The following DAB1 variants were observed in gnomAD, a reference collection of about 807,000 sequenced individuals.
The protein encoded by DAB1 is DAB adaptor protein 1.
In DAB1, 15 loss-of-function variants were observed where a neutral mutation model predicts 64.6. That is an observed-to-expected ratio of 0.23 (90% confidence interval 0.16 to 0.36). DAB1 has a LOEUF of 0.36. DAB1 is among the 10% of genes least tolerant of loss of function. The pLI, the probability that DAB1 is intolerant of heterozygous loss-of-function variation, is 1.00. For missense variants in DAB1, 596 were observed against 706.7 expected, an observed-to-expected ratio of 0.84 and a Z score of 1.78; for synonymous variants, 235 against 251.9, an observed-to-expected ratio of 0.93 and a Z score of 0.64.
At position 58,396,216 on chromosome 1, in the gene DAB1, G is replaced by C. The variant is rs182189943; in HGVS notation, n.258-52813C>G. ...AGTCCGCTGCACTGTGATACACTCTGTTTGAGGCTGGTCAAGAGGCCAGCC... is the reference window on the plus strand; with the variant it reads ...AGTCCGCTGCACTGTGATACACTCTCTTTGAGGCTGGTCAAGAGGCCAGCC... On this transcript the variant is annotated intron_variant and non_coding_transcript_variant, in intron 3 of 20. Coordinates refer to the DAB1 transcript ENST00000485760. Among the ~76,000 whole-genome samples, 122 of 152,214 alleles carry C rather than the reference G, an allele frequency of 8.0e-4. 1 individual carries two copies. The Middle Eastern group carries it at 0.02, about 25-fold the overall frequency.
At chr1:58,546,261 C>T (rs1349005893) in intron 1 of DAB1, among the ~76,000 whole-genome samples, 1 of 152,234 alleles carries the variant, frequency 6.6e-6, no homozygotes, top group African/African-American at 2.4e-5. Context: ...GAATGCCCGA[C>T]GCGCCGGGAG....
chr1:57,572,469 T>C (rs904502190), intron 7 of DAB1, among the ~76,000 whole-genome samples: 3 of 152,228 alleles, frequency 2.0e-5, no homozygotes, highest in African/African-American at 7.2e-5. Flanking sequence ...CTTGCTATAA[T>C]ACTTTCTAGC....
chr1:58,127,283 C>T (rs1387872674), intron 5 of DAB1, among the ~76,000 whole-genome samples: 4 of 152,018 alleles, frequency 2.6e-5, no homozygotes, highest in East Asian at 1.9e-4. Context: ...GTTCATGTTC[C>T]TCGCCCACTT....
Position 57,759,045 on chromosome 1 carries a change from C to T in DAB1, n.552-109380G>A, listed in dbSNP as rs111657237. On this transcript the variant is annotated intron_variant and non_coding_transcript_variant, in intron 6 of 20. Transcript: ENST00000485760. ...TGATTCCTAATCATTGTTGTTGCTG[C>T]TATTATGTTCAGACATCTCCGGAGG... 4.5e-3 allele frequency among the ~76,000 whole-genome samples: 688 copies of T among 152,142 alleles called. 6 individuals are homozygous for T. The highest frequency in any genetic ancestry group is 0.016 in the African/African-American group (656 of 41,544).
intron 4 of DAB1, among the ~76,000 whole-genome samples, chr1:58,284,780 C>T (rs1661644706): frequency 6.6e-6 from 1 of 152,204 alleles, no homozygotes; most frequent in African/African-American, 2.4e-5. Context: ...CATGAAGTCT[C>T]ATCACTGGAA....
At chr1:57,197,343 C>CAA (rs772162205) in intron 2 of DAB1, among the ~76,000 whole-genome samples, 20,458 of 89,630 alleles carry the variant, frequency 0.23, 1,929 homozygotes, top group Admixed American at 0.36. Flanking sequence ...GACTTCATCT[C>CAA]AAAAAAAAAA....
chr1:58,111,805 T>A (rs1651979498), intron 5 of DAB1, among the ~76,000 whole-genome samples: 1 of 152,162 alleles, frequency 6.6e-6, no homozygotes, highest in South Asian at 2.1e-4. Context: ...AGCTCTGAAC[T>A]GCCCTCCATG....
At chr1:58,145,187 T>C (rs1654518906) in intron 5 of DAB1, among the ~76,000 whole-genome samples, 2 of 152,194 alleles carry the variant, frequency 1.3e-5, no homozygotes, top group Admixed American at 1.3e-4. Context: ...GCTTTCACAG[T>C]GAGGTGCCAT....
intron 1 of DAB1, among the ~76,000 whole-genome samples, chr1:57,844,165 C>T (rs1653175125): frequency 6.6e-6 from 1 of 152,242 alleles, no homozygotes; most frequent in African/African-American, 2.4e-5. Flanking sequence ...GGGAGGATTA[C>T]TCAGCCTACC....
At chr1:58,127,498 C>T (rs1305710956) in intron 5 of DAB1, among the ~76,000 whole-genome samples, 1 of 151,276 alleles carries the variant, frequency 6.6e-6, no homozygotes, top group Non-Finnish European at 1.5e-5. Flanking sequence ...CTTTTGTTGC[C>T]ATTGCTTTTG....
intron 1 of DAB1, among the ~76,000 whole-genome samples, chr1:57,383,178 G>A (rs1353605040): frequency 6.6e-6 from 1 of 152,062 alleles, no homozygotes; most frequent in East Asian, 1.9e-4. Context: ...ATTGAGATTA[G>A]GAAAGAGCTG....
intron 2 of DAB1, among the ~76,000 whole-genome samples, chr1:57,206,960 CT>C (rs1665595792): frequency 7.6e-6 from 1 of 131,190 alleles, no homozygotes; most frequent in African/African-American, 2.9e-5. Flanking sequence ...TCTTTCTTTC[CT>C]TCCTTCCTTT....
At chr1:57,464,040 G>T (rs1686876402) in intron 7 of DAB1, among the ~76,000 whole-genome samples, 1 of 152,038 alleles carries the variant, frequency 6.6e-6, no homozygotes, top group Non-Finnish European at 1.5e-5. Context: ...TATTAATCTT[G>T]ATTTTTTTCT....
intron 7 of DAB1, among the ~76,000 whole-genome samples, chr1:57,640,068 G>A (rs1312433204): frequency 1.3e-5 from 2 of 152,212 alleles, no homozygotes; most frequent in Non-Finnish European, 2.9e-5. Context: ...ACGAGAGGAA[G>A]TAGAGGCTGT....
chr1:57,565,552 A>G (rs978224446), intron 7 of DAB1, among the ~76,000 whole-genome samples: 1 of 152,176 alleles, frequency 6.6e-6, no homozygotes, highest in Non-Finnish European at 1.5e-5. Context: ...AGACACAAGT[A>G]GGCTCAAAAT....
chr1:57,866,379 AT>A (rs1363258888), intron 1 of DAB1: 1 of 152,042 alleles, frequency 6.6e-6, no homozygotes, highest in Non-Finnish European at 1.5e-5. Context: ...ACCATAGTGG[AT>A]TTTCAATAAG....
chr1:57,891,239 G>A (rs188403064), intron 5 of DAB1, among the ~76,000 whole-genome samples: 39 of 152,170 alleles, frequency 2.6e-4, no homozygotes, highest in African/African-American at 7.5e-4. Flanking sequence ...ACATTTATGC[G>A]GCCAACAAAC....
intron 2 of DAB1, among the ~76,000 whole-genome samples, chr1:57,277,131 T>C (rs1167999012): frequency 1.4e-4 from 22 of 152,184 alleles, no homozygotes; most frequent in Non-Finnish European, 1.5e-5. Context: ...CCTTCACACA[T>C]GTACTCAGCA....
intron 3 of DAB1, among the ~76,000 whole-genome samples, chr1:58,356,738 T>C (rs1245636461): frequency 6.6e-6 from 1 of 152,058 alleles, no homozygotes; most frequent in Non-Finnish European, 1.5e-5. Context: ...TAAAGATATT[T>C]GGCTGGGTGC....
Sources: gnomAD v4.1 joint callset for allele counts (sites outside exome capture counted in the v4.1 genomes callset) on GRCh38, gnomAD v4.1.1 for gene constraint, MANE v1.5 for transcripts, NCBI Gene and HGNC (gene_info 2026-07-23, HGNC 2026-07-21) for gene names.